Variants in BTBD1 observed in about 807,000 individuals in gnomAD.
BTBD1 encodes the protein BTB/POZ domain-containing protein 1.
A neutral mutation model predicts 48.0 loss-of-function variants in BTBD1; 34 were observed. That is an observed-to-expected ratio of 0.71 (90% CI 0.54 to 0.94). BTBD1 has a LOEUF of 0.94. BTBD1 is among the 40% of genes least tolerant of loss of function. The pLI, the probability that BTBD1 is intolerant of heterozygous loss-of-function variation, is 0.00. For synonymous variants in BTBD1, 261 were observed against 242.1 expected (o/e 1.08, Z -0.72); for missense variants, 543 against 625.6 (o/e 0.87, Z 1.41).
chr15:83,050,129 A>G lies in BTBD1; in HGVS notation c.608T>C (p.Ile203Thr), dbSNP rs2032950830. Residue 203 changes from isoleucine (I) to threonine (T), a missense_variant, in exon 3 of 8, where the codon ATA becomes ACA. Transcript: ENST00000261721. ...PQLASLCLDT[I>T]DKSTMDAISA... is the part of the protein sequence containing the mutation. ...TATTGCATCCATTGTGCTTTTGTCT[A>G]TTGTATCTAGACAAAGACTAGCAAG... 3.7e-6 allele frequency: 6 copies of G among 1,613,298 alleles called. No individual in the cohort carries two copies. Among genetic ancestry groups the G allele is most frequent in the Non-Finnish European group, 5.1e-6 (6 of 1,179,598 alleles).
chr15:83,026,517 C>CTTTT (rs563990083), intron 5 of BTBD1, among the ~76,000 whole-genome samples: 7 of 88,286 alleles, frequency 7.9e-5, no homozygotes, highest in African/African-American at 1.5e-4. Flanking sequence ...TTTTTTAGTG[C>CTTTT]TTTTTTTTTT....
chr15:83,019,460 G>C (rs1305567494), intron 6 of BTBD1, among the ~76,000 whole-genome samples: 2 of 150,956 alleles, frequency 1.3e-5, no homozygotes, highest in East Asian at 3.9e-4. Flanking sequence ...CAAAGTACTG[G>C]GATTATAGAT....
In BTBD1 at chr15:83,018,780, G is replaced by A. The variant is rs1191075788; in HGVS notation, c.1217C>T (p.Thr406Ile). 3 of 1,613,990 alleles carry A rather than the reference G, an allele frequency of 1.9e-6. No individual in the cohort carries two copies. Among genetic ancestry groups the A allele is most frequent in the Non-Finnish European group, 2.5e-6 (3 of 1,179,970 alleles). Residue 406 changes from threonine to isoleucine, a missense_variant, in exon 7 of 8, where the codon ACA becomes ATA. Coordinates refer to ENST00000261721, the MANE Select transcript of BTBD1 (RefSeq NM_025238.4). ...TGFSCDGTAN[T>I]FRVMFKEPIE... ...GGGTTCCTTGAACATGACCCTGAAT[G>A]TGTTAGCTGTCCCATCACAACTAAA... is the stretch of plus-strand genomic sequence containing the variant.
intron 4 of BTBD1, among the ~76,000 whole-genome samples, chr15:83,037,324 G>A (rs2032650052): frequency 6.6e-6 from 1 of 152,152 alleles, no homozygotes; most frequent in Non-Finnish European, 1.5e-5. Context: ...GAGCCCAGAA[G>A]CTCATGGCCA....
chr15:83,065,239 T>A (rs1373630869), intron 1 of BTBD1, among the ~76,000 whole-genome samples: 1 of 152,224 alleles, frequency 6.6e-6, no homozygotes, highest in Non-Finnish European at 1.5e-5. Context: ...CACCAAACTG[T>A]TTTCCAAAAG....
At chr15:83,057,447 T>C (rs530794133) in intron 1 of BTBD1, among the ~76,000 whole-genome samples, 3 of 152,288 alleles carry the variant, frequency 2.0e-5, no homozygotes, top group Non-Finnish European at 4.4e-5. Context: ...ACAAAAAAAA[T>C]TGCCTCAGTA....
intron 3 of BTBD1, chr15:83,044,341 C>A: frequency 7.3e-7 from 1 of 1,361,012 alleles, no homozygotes; most frequent in South Asian, 1.2e-5. Flanking sequence ...CAACCCTGCT[C>A]TGCATGCCCG....
At chr15:83,028,191 T>C (rs1354995282) in intron 5 of BTBD1, among the ~76,000 whole-genome samples, 3 of 152,196 alleles carry the variant, frequency 2.0e-5, no homozygotes, top group Admixed American at 2.0e-4. Flanking sequence ...TATCTCTATC[T>C]TGAGGTTTCA....
intron 4 of BTBD1, among the ~76,000 whole-genome samples, chr15:83,039,260 A>C (rs2032692119): frequency 6.6e-6 from 1 of 152,218 alleles, no homozygotes; most frequent in Non-Finnish European, 1.5e-5. Flanking sequence ...ACAAGCAGCC[A>C]ACAAACATGA....
chr15:83,051,873 T>TACACACACACACACACAC (rs766997533), intron 2 of BTBD1, among the ~76,000 whole-genome samples: 292 of 23,668 alleles, frequency 0.012, 2 homozygotes, highest in African/African-American at 0.051. Flanking sequence ...TTTTTCCATA[T>TACACACACACACACACAC]ATATACACAC....
Position 83,018,772 on chromosome 15 carries a change from C to A in BTBD1, c.1225G>T (p.Val409Phe). Residue 409 changes from valine to phenylalanine, a missense_variant, in exon 7 of 8, where the codon GTC (valine) becomes TTC (phenylalanine). This residue lies in a region of BTBD1 where 300 missense variants were observed against 350.0 expected (regional missense o/e 0.86). Coordinates refer to ENST00000261721, the MANE Select transcript of BTBD1 (RefSeq NM_025238.4). ...ATCTCTATGGGTTCCTTGAACATGA[C>A]CCTGAATGTGTTAGCTGTCCCATCA... ...SCDGTANTFR[V>F]MFKEPIEILP... 5 of 1,614,128 alleles carry A rather than the reference C, an allele frequency of 3.1e-6. No individual in the cohort carries two copies. The highest frequency in any genetic ancestry group is 4.2e-6 in the Non-Finnish European group (5 of 1,179,990).
intron 1 of BTBD1, among the ~76,000 whole-genome samples, chr15:83,065,174 T>C (rs997070881): frequency 1.3e-5 from 2 of 152,248 alleles, no homozygotes; most frequent in African/African-American, 4.8e-5. Context: ...TAAATATTTT[T>C]GTATGCAATT....
At chr15:83,064,722 G>A (rs1309438272) in intron 1 of BTBD1, among the ~76,000 whole-genome samples, 2 of 151,956 alleles carry the variant, frequency 1.3e-5, no homozygotes, top group African/African-American at 2.4e-5. Flanking sequence ...CATTTCATAA[G>A]CACCCCAGAA....
rs1433946187 is a variant in BTBD1 at position 83,066,733 on chromosome 15, G to T, written c.401+18C>A. The stretch of plus-strand genomic sequence containing the variant: ...GCCCGGCCCGGCCCGGCCCGGCCCG[G>T]CCCGCGCTGCCGCTCACCTCAGCAG... On this transcript the variant is annotated intron_variant, in intron 1 of 7. Transcript: ENST00000261721. 1 of 1,235,588 alleles carries T rather than the reference G, an allele frequency of 8.1e-7. No individual in the cohort carries two copies. 76.5% of individuals were successfully genotyped at this position (1,235,588 alleles called of 1,614,324 possible).
chr15:83,061,162 T>C (rs972769556), intron 1 of BTBD1, among the ~76,000 whole-genome samples: 3 of 152,212 alleles, frequency 2.0e-5, no homozygotes, highest in Non-Finnish European at 4.4e-5. Context: ...GTATAGACTA[T>C]TGCTTCAGGG....
At chr15:83,041,644 G>A in intron 4 of BTBD1, 84 bp downstream of exon 4, 1 of 1,294,700 alleles carries the variant, frequency 7.7e-7, no homozygotes, top group Non-Finnish European at 1.1e-6. Context: ...AAAGTGCTGG[G>A]ATTATAGGTG....
At chr15:83,027,211 G>A (rs922623501) in intron 5 of BTBD1, among the ~76,000 whole-genome samples, 6 of 152,128 alleles carry the variant, frequency 3.9e-5, no homozygotes, top group African/African-American at 1.4e-4. Flanking sequence ...AATTAGCCAG[G>A]TGTGGTGGCA....
At chr15:83,033,506 T>A (rs1427897695) in intron 4 of BTBD1, among the ~76,000 whole-genome samples, 1 of 152,160 alleles carries the variant, frequency 6.6e-6, no homozygotes, top group Non-Finnish European at 1.5e-5. Flanking sequence ...CACCAAAGGC[T>A]AGAGAAGGTT....
At chr15:83,048,706 G>C (rs2032925389) in intron 3 of BTBD1, among the ~76,000 whole-genome samples, 6 of 152,246 alleles carry the variant, frequency 3.9e-5, no homozygotes, top group Admixed American at 3.9e-4. Context: ...TTTACCATGA[G>C]CTAACTGATA....
Sources: allele counts gnomAD v4.1 joint callset (sites outside exome capture counted in the v4.1 genomes callset), GRCh38; gene constraint gnomAD v4.1.1; regional missense constraint gnomAD v4.1.1; transcripts MANE v1.5; gene names NCBI Gene and HGNC (gene_info 2026-07-23, HGNC 2026-07-21).